Variants in JPH3 observed in about 807,000 individuals in gnomAD.
JPH3 encodes junctophilin-3.
Under a neutral mutation model 59.6 loss-of-function variants are expected in JPH3, and 11 were observed. The ratio of observed to expected loss-of-function variants is 0.18; its 90% CI spans 0.12 to 0.31. The LOEUF is 0.31. Among genes scored for constraint, JPH3 ranks in the 10% least tolerant of loss-of-function variants. The pLI is 1.00. For synonymous variants in JPH3, 673 were observed against 483.6 expected, an observed-to-expected ratio of 1.39 and a Z score of -5.14; for missense variants, 1,202 against 1,105.7, an observed-to-expected ratio of 1.09 and a Z score of -1.24.
intron 2 of JPH3, among the ~76,000 whole-genome samples, chr16:87,655,628 C>T (rs940181156): frequency 1.3e-5 from 2 of 152,250 alleles, no homozygotes; most frequent in Non-Finnish European, 2.9e-5. Flanking sequence ...GCTGGGATTA[C>T]AGGCGTGAGC....
chr16:87,644,501 G>T lies in JPH3; in HGVS notation c.626G>T (p.Ser209Ile). ...CACAGTGACTCCGAGATCCTCAAGA[G>T]CAAGAAGAAGGGGCTGTTTCGGCGC... Reference protein sequence around the residue: ...VAHSDSEILKSKKKGLFRRSL... With the variant: ...VAHSDSEILKIKKKGLFRRSL... The change falls in exon 2 of 5, where the codon AGC becomes ATC. Residue 209 changes from serine to isoleucine, a missense_variant. By Grantham distance (142) the Ser-to-Ile change is moderately radical. Transcript: ENST00000284262. 1.2e-6 allele frequency: 2 copies of T among 1,612,876 alleles called. No individual in the cohort carries two copies. Among genetic ancestry groups the T allele is most frequent in the East Asian group, 2.2e-5 (1 of 44,826 alleles).
intron 1 of JPH3, among the ~76,000 whole-genome samples, chr16:87,616,225 TG>T (rs1567583301): frequency 2.1e-5 from 3 of 146,140 alleles, no homozygotes; most frequent in African/African-American, 5.2e-5. Context: ...TGTGTGTGTG[TG>T]TGTGTGTGTG....
At chr16:87,620,233 G>A (rs1328707072) in intron 1 of JPH3, among the ~76,000 whole-genome samples, 3 of 151,890 alleles carry the variant, frequency 2.0e-5, no homozygotes, top group South Asian at 2.1e-4. Flanking sequence ...GAGACCTATC[G>A]TGAGCAAGTT....
Position 87,618,604 on chromosome 16 carries a change from G to T in JPH3, c.382+15076G>T, listed in dbSNP as rs368130936. 2.6e-5 allele frequency among the ~76,000 whole-genome samples: 4 copies of T among 152,274 alleles called. No individual in the cohort carries two copies. The East Asian group carries it at 7.7e-4, about 29-fold the overall frequency. ...TTCCACCTGGCCACACTGTTTACTC[G>T]TTCCCGCCAGCAGCATGGGGGCTCT... is the stretch of plus-strand genomic sequence containing the variant. On this transcript the variant is annotated intron_variant, in intron 1 of 4. Coordinates refer to ENST00000284262, the MANE Select transcript of JPH3 (RefSeq NM_020655.4).
At chr16:87,693,790 A>G (rs1011337260) in intron 4 of JPH3, 1 of 152,518 alleles carries the variant, frequency 6.6e-6, no homozygotes, top group Non-Finnish European at 1.5e-5. Flanking sequence ...TGCCCCTGCC[A>G]GGTGTGGTGC....
rs72810187 is a variant in JPH3, at chr16:87,694,722, A to T, written c.2167-1858A>T. On this transcript the variant is annotated intron_variant, in intron 4 of 4. Transcript: ENST00000284262. ...CCACAGTGTACAAGTCAGGGATTTT[A>T]GTGTATTCCCAGTTATACAGCCATC... 7.7e-3 allele frequency: 1,231 copies of T among 159,710 alleles called. 9 individuals carry two copies. The highest frequency in any genetic ancestry group is 0.015 in the Admixed American group (242 of 16,440). 9.9% of individuals were successfully genotyped at this position (159,710 alleles called of 1,614,324 possible). A position where few individuals can be genotyped will look rare whatever the true frequency, so the allele number is the denominator to read the frequency against.
intron 2 of JPH3, chr16:87,654,777 C>T (rs1320723919): frequency 6.6e-6 from 1 of 152,390 alleles, no homozygotes; most frequent in South Asian, 2.1e-4. Context: ...TCTCCAGCAG[C>T]ACCTCTGAGG....
rs2030746990 is a variant in JPH3, at chr16:87,611,978, C to T, written c.382+8450C>T. Reference sequence around the variant, plus strand: ...TGGAGATGCTCAGGTGGCTGCAGTGCAGGAGATCCTGCTTTGGTGCACTCA... The same window carrying T: ...TGGAGATGCTCAGGTGGCTGCAGTGTAGGAGATCCTGCTTTGGTGCACTCA... On this transcript the variant is annotated intron_variant, in intron 1 of 4. Coordinates refer to ENST00000284262, the MANE Select transcript of JPH3 (RefSeq NM_020655.4). The surrounding 1 kb of genome is among the most constrained non-coding windows in gnomAD (Gnocchi z 4.5). Among the ~76,000 whole-genome samples the T allele has an allele frequency of 6.6e-6, 1 of 152,224 alleles. No individual in the cohort carries two copies. Among genetic ancestry groups the T allele is most frequent in the Admixed American group, 6.5e-5 (1 of 15,284 alleles).
intron 2 of JPH3, among the ~76,000 whole-genome samples, chr16:87,653,222 G>C (rs1448661380): frequency 6.6e-6 from 1 of 152,192 alleles, no homozygotes; most frequent in African/African-American, 2.4e-5. Context: ...TAAAACCCAG[G>C]GTGATGCCTG....
At chr16:87,655,420 C>A (rs1049155334) in intron 2 of JPH3, among the ~76,000 whole-genome samples, 4 of 152,162 alleles carry the variant, frequency 2.6e-5, no homozygotes, top group Admixed American at 1.3e-4. Context: ...GTGGTACGAT[C>A]ATAGCCCACT....
At chr16:87,689,331 A>T (rs988859085) in intron 3 of JPH3, among the ~76,000 whole-genome samples, 2 of 152,130 alleles carry the variant, frequency 1.3e-5, no homozygotes, top group Non-Finnish European at 2.9e-5. Context: ...ACCTGAGTCC[A>T]CACCCCAGCG....
At chr16:87,695,014 T>C (rs1366391427) in intron 4 of JPH3, 1 of 322,258 alleles carries the variant, frequency 3.1e-6, no homozygotes, top group African/African-American at 2.2e-5. Flanking sequence ...CGGGAGTGTG[T>C]GCACACACAA....
At chr16:87,642,284 CG>C (rs2031981116) in intron 1 of JPH3, among the ~76,000 whole-genome samples, 1 of 151,962 alleles carries the variant, frequency 6.6e-6, no homozygotes, top group Non-Finnish European at 1.5e-5. Flanking sequence ...TGCTTCGCTC[CG>C]AGAGATGGCG....
chr16:87,669,914 C>A (rs1054995931), intron 2 of JPH3, among the ~76,000 whole-genome samples: 16 of 152,110 alleles, frequency 1.1e-4, no homozygotes, highest in African/African-American at 3.9e-4. Context: ...GAGGGCCGGA[C>A]TGCACATGGG....
chr16:87,641,547 T>C (rs2031952476), intron 1 of JPH3, among the ~76,000 whole-genome samples: 1 of 152,228 alleles, frequency 6.6e-6, no homozygotes, highest in South Asian at 2.1e-4. Flanking sequence ...CGTCCTCTGC[T>C]GCCACGTCCT....
chr16:87,607,541 C>G (rs2030569809), intron 1 of JPH3, among the ~76,000 whole-genome samples: 1 of 152,266 alleles, frequency 6.6e-6, no homozygotes, highest in African/African-American at 2.4e-5. Flanking sequence ...CTTGCTTGCT[C>G]TCCACTGGCC....
intron 2 of JPH3, among the ~76,000 whole-genome samples, chr16:87,681,475 A>G (rs1374050664): frequency 7.6e-6 from 1 of 131,178 alleles, no homozygotes; most frequent in African/African-American, 3.0e-5. Context: ...CGGTGGTGAC[A>G]GTGCCGGGAG....
chr16:87,671,616 G>A (rs2033017721), intron 2 of JPH3, among the ~76,000 whole-genome samples: 1 of 65,078 alleles, frequency 1.5e-5, no homozygotes, highest in African/African-American at 5.3e-5. Context: ...GCTCAGTTCT[G>A]CGCCTGAGCT....
intron 2 of JPH3, among the ~76,000 whole-genome samples, chr16:87,681,593 C>G (rs1392526173): frequency 7.1e-6 from 1 of 141,248 alleles, no homozygotes; most frequent in Non-Finnish European, 1.5e-5. Flanking sequence ...AGGTCAGGTG[C>G]GCGCGGTGAT....
Sources: allele counts gnomAD v4.1 joint callset (sites outside exome capture counted in the v4.1 genomes callset), GRCh38; gene constraint gnomAD v4.1.1; non-coding constraint Gnocchi (gnomAD v3.1); transcripts MANE v1.5; gene names NCBI Gene and HGNC (gene_info 2026-07-23, HGNC 2026-07-21).